The following SHLD1 variants were observed in gnomAD, a reference collection of about 807,000 sequenced individuals.
The protein encoded by SHLD1 is RINN1-REV7-interacting novel NHEJ regulator 3.
Under a neutral mutation model 5.5 loss-of-function variants are expected in SHLD1, and 3 were observed. The ratio of observed to expected loss-of-function variants is 0.54; its 90% CI spans 0.25 to 1.40. The LOEUF (loss-of-function observed/expected upper bound fraction) is 1.40. SHLD1 is among the 40% of genes most tolerant of loss of function. The probability of loss-of-function intolerance (pLI) is 0.15; values close to 1 mark genes in which losing one functional copy is unlikely to be tolerated. For missense variants in SHLD1, 210 were observed against 244.4 expected, an observed-to-expected ratio of 0.86 and a Z score of 0.94; for synonymous variants, 92 against 94.3, an observed-to-expected ratio of 0.98 and a Z score of 0.14.
chr20:5,847,896 G>A (rs538939378), intron 2 of SHLD1, among the ~76,000 whole-genome samples: 7 of 152,144 alleles, frequency 4.6e-5, no homozygotes, highest in South Asian at 4.1e-4. Flanking sequence ...ATGTATTTCC[G>A]GAGAAAGTCT....
intron 1 of SHLD1, among the ~76,000 whole-genome samples, chr20:5,764,863 T>C (rs1205789198): frequency 1.3e-5 from 2 of 152,096 alleles, no homozygotes; most frequent in Non-Finnish European, 2.9e-5. Context: ...AGTGGCTGAA[T>C]GGAAGAAAAA....
intron 2 of SHLD1, among the ~76,000 whole-genome samples, chr20:5,804,840 T>C (rs749853609): frequency 5.3e-5 from 8 of 152,210 alleles, no homozygotes; most frequent in South Asian, 4.1e-4. Flanking sequence ...AGATTCCACA[T>C]ATTCAAAGAC....
chr20:5,834,746 A>G (rs558900452), intron 2 of SHLD1, among the ~76,000 whole-genome samples: 1 of 152,318 alleles, frequency 6.6e-6, no homozygotes, highest in East Asian at 1.9e-4. Flanking sequence ...TATGTGGCTT[A>G]TAAGCAATAG....
intron 2 of SHLD1, among the ~76,000 whole-genome samples, chr20:5,812,899 G>A (rs1433028455): frequency 3.3e-5 from 5 of 151,756 alleles, no homozygotes; most frequent in African/African-American, 1.2e-4. Context: ...TATTGAGACG[G>A]GGTCTCACTC....
intron 2 of SHLD1, among the ~76,000 whole-genome samples, chr20:5,828,170 C>A (rs1399013167): frequency 6.6e-6 from 1 of 152,176 alleles, no homozygotes; most frequent in Non-Finnish European, 1.5e-5. Context: ...TCACTGTCAT[C>A]TCCTCTGGGG....
At chr20:5,796,545 G>A (rs1227932030) in intron 2 of SHLD1, among the ~76,000 whole-genome samples, 1 of 152,106 alleles carries the variant, frequency 6.6e-6, no homozygotes, top group Non-Finnish European at 1.5e-5. Context: ...GGGGAGATGA[G>A]GCCGGGCGCA....
At chr20:5,764,580 T>A (rs985306617) in intron 1 of SHLD1, among the ~76,000 whole-genome samples, 1 of 149,128 alleles carries the variant, frequency 6.7e-6, no homozygotes, top group Non-Finnish European at 1.5e-5. Flanking sequence ...ATGCCTGCAG[T>A]CCCAACTACT....
In SHLD1 at chr20:5,801,337, A is replaced by G. The variant is rs548773423; in HGVS notation, c.178+28294A>G. Among the ~76,000 whole-genome samples, 5 of 152,174 alleles carry G rather than the reference A, an allele frequency of 3.3e-5. No homozygotes were observed. In the South Asian group the frequency reaches 1.0e-3, roughly 32 times the overall value. ...GCGATCCACCCACTTCCGCCTCCCA[A>G]AGTGCTGCGATTATAGGCATGAGCC... On this transcript the variant is annotated intron_variant, in intron 2 of 2. Transcript: ENST00000303142.
intron 1 of SHLD1, among the ~76,000 whole-genome samples, chr20:5,761,264 G>A (rs1325909215): frequency 1.3e-5 from 2 of 151,944 alleles, no homozygotes; most frequent in Non-Finnish European, 2.9e-5. Context: ...CAGGGGTTAG[G>A]GTCAAGGGGA....
At chr20:5,751,028 G>GT (rs983195650) in intron 1 of SHLD1, among the ~76,000 whole-genome samples, 4 of 152,006 alleles carry the variant, frequency 2.6e-5, no homozygotes, top group African/African-American at 7.2e-5. Flanking sequence ...AACATTAAGG[G>GT]TTTTTTTGTT....
At chr20:5,782,313 A>C (rs1489866795) in intron 2 of SHLD1, among the ~76,000 whole-genome samples, 1 of 152,214 alleles carries the variant, frequency 6.6e-6, no homozygotes, top group Non-Finnish European at 1.5e-5. Flanking sequence ...GGTCACCCGA[A>C]GGCCCAGTCC....
intron 2 of SHLD1, among the ~76,000 whole-genome samples, chr20:5,811,805 A>G (rs571346702): frequency 2.0e-4 from 31 of 152,102 alleles, no homozygotes; most frequent in Admixed American, 1.9e-3. Flanking sequence ...GCAGTGAGCC[A>G]TGACCATGCC....
At chr20:5,799,887 C>T (rs920684077) in intron 2 of SHLD1, among the ~76,000 whole-genome samples, 6 of 152,152 alleles carry the variant, frequency 3.9e-5, no homozygotes, top group African/African-American at 1.4e-4. Flanking sequence ...AGTTGTATGG[C>T]ATTGGAACCA....
At chr20:5,816,420 C>A (rs1568516757) in intron 2 of SHLD1, among the ~76,000 whole-genome samples, 1 of 152,150 alleles carries the variant, frequency 6.6e-6, no homozygotes, top group Non-Finnish European at 1.5e-5. Context: ...AGGTTGCTTT[C>A]TACTGAAATG....
intron 1 of SHLD1, among the ~76,000 whole-genome samples, chr20:5,765,837 T>G (rs1984803221): frequency 7.2e-6 from 1 of 138,048 alleles, no homozygotes; most frequent in South Asian, 2.8e-4. Flanking sequence ...CAGGCTGGTC[T>G]CAAACTCCTG....
chr20:5,755,850 C>T (rs553117143), intron 1 of SHLD1, among the ~76,000 whole-genome samples: 7 of 152,300 alleles, frequency 4.6e-5, no homozygotes, highest in East Asian at 1.9e-4. Flanking sequence ...TGGGCCACCA[C>T]GTCTGGCGGG....
At chr20:5,814,902 C>T (rs770298411) in intron 2 of SHLD1, among the ~76,000 whole-genome samples, 5 of 152,064 alleles carry the variant, frequency 3.3e-5, no homozygotes, top group Non-Finnish European at 7.4e-5. Context: ...ATCTGCCCAC[C>T]TTGGCCTCCC....
At chr20:5,832,659 G>GA (rs1213206864) in intron 2 of SHLD1, among the ~76,000 whole-genome samples, 3 of 150,992 alleles carry the variant, frequency 2.0e-5, no homozygotes, top group Non-Finnish European at 3.0e-5. Flanking sequence ...TCCAAATCAC[G>GA]AAAAAAAAGT....
intron 2 of SHLD1, among the ~76,000 whole-genome samples, chr20:5,841,912 G>C (rs991885455): frequency 6.6e-6 from 1 of 152,250 alleles, no homozygotes; most frequent in South Asian, 2.1e-4. Flanking sequence ...CATGAGCTGA[G>C]TTAGGAAGAT....
Sources: allele counts gnomAD v4.1 joint callset (sites outside exome capture counted in the v4.1 genomes callset), GRCh38; gene constraint gnomAD v4.1.1; transcripts MANE v1.5; gene names NCBI Gene and HGNC (gene_info 2026-07-23, HGNC 2026-07-21).